The following CDC42EP1 variants were observed in gnomAD, a reference collection of about 807,000 sequenced individuals.
The protein encoded by CDC42EP1 is CDC42 effector protein 1.
Under a neutral mutation model 7.4 loss-of-function variants are expected in CDC42EP1, and 6 were observed. The observed-to-expected ratio is 0.81, with a 90% CI of 0.44 to 1.60. CDC42EP1 has a LOEUF of 1.60. Among genes scored for constraint, CDC42EP1 ranks in the 40% most tolerant of loss-of-function variants. CDC42EP1 has a pLI of 0.01. For missense variants in CDC42EP1, 567 were observed against 539.0 expected, an observed-to-expected ratio of 1.05 and a Z score of -0.51; for synonymous variants, 238 against 227.1, an observed-to-expected ratio of 1.05 and a Z score of -0.43.
intron 1 of CDC42EP1, chr22:37,563,773 G>C (rs1249723809): frequency 6.6e-6 from 1 of 152,172 alleles, no homozygotes; most frequent in Non-Finnish European, 1.5e-5. Flanking sequence ...GAGGTCCCAG[G>C]TCTGTGTAGG....
intron 1 of CDC42EP1, among the ~76,000 whole-genome samples, chr22:37,561,285 C>A (rs1043019481): frequency 5.3e-5 from 8 of 152,254 alleles, no homozygotes; most frequent in Non-Finnish European, 8.8e-5. Flanking sequence ...TTTTCCTAGA[C>A]CGGGAAACTG....
chr22:37,564,173 T>C (rs1452832341), intron 1 of CDC42EP1, among the ~76,000 whole-genome samples: 1 of 152,086 alleles, frequency 6.6e-6, no homozygotes, highest in Non-Finnish European at 1.5e-5. Flanking sequence ...AGCCTGGACT[T>C]TGTATGACAC....
At chr22:37,567,963 C>T in intron 2 of CDC42EP1, 145 bp from the exon 3 acceptor site, 1 of 682,552 alleles carries the variant, frequency 1.5e-6, no homozygotes, top group Non-Finnish European at 2.6e-6. Context: ...GGAGTGTATT[C>T]TATTGGAAAG....
chr22:37,566,288 G>GGC lies in CDC42EP1; in HGVS notation c.-62_-61insGC. ...GAGCTGAGCAGCCATCCCAAGCCCA[G>GGC]CCCACCTCCCTCCCCCGGCCCCTGG... is the stretch of plus-strand genomic sequence containing the variant. On this transcript the variant is annotated 5_prime_UTR_variant, in exon 2 of 3. Transcript: ENST00000249014. This position sits in a 1 kb window ranked among gnomAD's most constrained non-coding sequence, Gnocchi z 6.4. The GGC allele has an allele frequency of 3.6e-6, 3 of 835,940 alleles. No homozygotes were observed. Among genetic ancestry groups the GGC allele is most frequent in the South Asian group, 1.8e-5 (1 of 54,380 alleles). The allele number at this position is 835,940 out of a possible 1,614,324, so 51.8% of individuals were successfully genotyped here.
At chr22:37,562,336 G>T (rs1474396990) in intron 1 of CDC42EP1, among the ~76,000 whole-genome samples, 1 of 152,180 alleles carries the variant, frequency 6.6e-6, no homozygotes, top group Non-Finnish European at 1.5e-5. Flanking sequence ...CTGGCACCAG[G>T]ACACTTGGAG....
In CDC42EP1 at chr22:37,568,645, T is replaced by C. The variant is rs753174629; in HGVS notation, c.1001T>C (p.Met334Thr). 12 of 1,575,998 alleles carry C rather than the reference T, an allele frequency of 7.6e-6. No individual in the cohort carries two copies. Among genetic ancestry groups the C allele is most frequent in the Admixed American group, 1.8e-5 (1 of 55,098 alleles). ...GWDGGHHYPE[M>T]DARQERVEVL... ...GATGGCGGCCACCACTACCCAGAGA[T>C]GGATGCGCGGCAGGAGCGGGTGGAG... Residue 334 changes from methionine (M) to threonine (T), a missense_variant, in exon 3 of 3, where the codon ATG (methionine) becomes ACG (threonine). Met to Thr is a moderately conservative substitution (Grantham distance 81). Coordinates refer to ENST00000249014, the MANE Select transcript of CDC42EP1 (RefSeq NM_152243.3).
intron 1 of CDC42EP1, among the ~76,000 whole-genome samples, chr22:37,565,161 A>C (rs1925183756): frequency 6.6e-6 from 1 of 150,592 alleles, no homozygotes; most frequent in African/African-American, 2.4e-5. Flanking sequence ...GGCCCTGCAG[A>C]ATAAGTGCTT....
At chr22:37,567,446 G>A (rs993387384) in intron 2 of CDC42EP1, among the ~76,000 whole-genome samples, 5 of 152,174 alleles carry the variant, frequency 3.3e-5, no homozygotes, top group Non-Finnish European at 5.9e-5. Flanking sequence ...CACCTTGGCC[G>A]TTCGGTCAGA....
In CDC42EP1 at chr22:37,560,569, C is replaced by G. The variant is rs1422502851; in HGVS notation, c.-298C>G. Reference sequence around the variant, plus strand: ...GACGAGTCCGCCCTCGTCCCGCGCCCCCGGGGCTCGCGGAGCCAGGTAACA... The same window carrying G: ...GACGAGTCCGCCCTCGTCCCGCGCCGCCGGGGCTCGCGGAGCCAGGTAACA... On this transcript the variant is annotated 5_prime_UTR_variant, in exon 1 of 3. Coordinates refer to ENST00000249014, the MANE Select transcript of CDC42EP1 (RefSeq NM_152243.3). The G allele has an allele frequency of 1.3e-5, 2 of 150,298 alleles. No homozygotes were observed. Among genetic ancestry groups the G allele is most frequent in the African/African-American group, 2.4e-5 (1 of 41,260 alleles). The allele number at this position is 150,298 out of a possible 1,614,324, so 9.3% of individuals were successfully genotyped here.
chr22:37,568,626 G>A lies in CDC42EP1; in HGVS notation c.982G>A (p.Gly328Ser), dbSNP rs760139079. The A allele has an allele frequency of 3.7e-5, 59 of 1,589,418 alleles. No homozygotes were observed. The highest frequency in any genetic ancestry group is 9.1e-5 in the South Asian group (8 of 88,024). Reference sequence around the variant, plus strand: ...GCACTGGGGAGCAGGCTGGGATGGCGGCCACCACTACCCAGAGATGGATGC... The same window carrying A: ...GCACTGGGGAGCAGGCTGGGATGGCAGCCACCACTACCCAGAGATGGATGC... ...GRHWGAGWDGGHHYPEMDARQ... is the reference protein window; with the variant it reads ...GRHWGAGWDGSHHYPEMDARQ... Residue 328 changes from glycine to serine, a missense_variant, in exon 3 of 3, where the codon GGC (glycine) becomes AGC (serine). Physicochemically the swap from Gly to Ser is moderately conservative, Grantham distance 56 (BLOSUM62 0). Coordinates refer to ENST00000249014, the MANE Select transcript of CDC42EP1 (RefSeq NM_152243.3).
At position 37,569,193 on chromosome 22, in the gene CDC42EP1, C is replaced by G. The variant is rs1925395981; in HGVS notation, c.*373C>G. On this transcript the variant is annotated 3_prime_UTR_variant, in exon 3 of 3. Coordinates refer to ENST00000249014, the MANE Select transcript of CDC42EP1 (RefSeq NM_152243.3). ...TGTACCACACAGGGCCATTGTCTCACCTCCCAAAGGGACCGCCTGCCCCCA... is the reference window on the plus strand; with the variant it reads ...TGTACCACACAGGGCCATTGTCTCAGCTCCCAAAGGGACCGCCTGCCCCCA... The G allele has an allele frequency of 5.8e-6, 1 of 172,766 alleles. No individual in the cohort carries two copies. The highest frequency in any genetic ancestry group is 6.3e-5 in the Admixed American group (1 of 15,772). 10.7% of individuals were successfully genotyped at this position (172,766 alleles called of 1,614,324 possible).
rs1491441127 is a variant in CDC42EP1, at chr22:37,565,184, CCT to C, written c.-278-887_-278-886del. 1.2e-4 allele frequency among the ~76,000 whole-genome samples: 15 copies of C among 121,608 alleles called. 1 individual carries two copies. The highest frequency in any genetic ancestry group is 3.2e-4 in the African/African-American group (11 of 34,706). The allele number at this position is 121,608 out of a possible 152,430, so 79.8% of individuals were successfully genotyped here. A position where few individuals can be genotyped will look rare whatever the true frequency, so the allele number is the denominator to read the frequency against. On this transcript the variant is annotated intron_variant, in intron 1 of 2. Coordinates refer to ENST00000249014, the MANE Select transcript of CDC42EP1 (RefSeq NM_152243.3). ...AGAATAAGTGCTTTCTTTTTTTTTT[CCT>C]TTTTTTTTTTTTTTTTTTTGAGACA...
chr22:37,566,596 G>T lies in CDC42EP1; in HGVS notation c.247G>T (p.Ala83Ser). The change falls in exon 2 of 3, where the codon GCC becomes TCC. Residue 83 changes from alanine (A) to serine (S), a missense_variant. Transcript: ENST00000249014. The surrounding 1 kb of genome is among the most constrained non-coding windows in gnomAD (Gnocchi z 6.4). ...CCATCGCTCACCCCGCAGCTTCCTG[G>T]CCAAGAAGCTGCAGCTGGTGCGGAG... is the stretch of plus-strand genomic sequence containing the variant. ...STHRSPRSFL[A>S]KKLQLVRRVG... The T allele has an allele frequency of 3.1e-6, 5 of 1,600,336 alleles. No individual in the cohort carries two copies. The highest frequency in any genetic ancestry group is 4.3e-6 in the Non-Finnish European group (5 of 1,170,568).
chr22:37,560,861 G>A (rs1252733135), intron 1 of CDC42EP1, among the ~76,000 whole-genome samples: 3 of 152,082 alleles, frequency 2.0e-5, no homozygotes, highest in Admixed American at 6.5e-5. Context: ...TGCGCGAGGA[G>A]GGGGCGAGCC....
At chr22:37,562,373 G>T (rs1925075123) in intron 1 of CDC42EP1, among the ~76,000 whole-genome samples, 1 of 152,216 alleles carries the variant, frequency 6.6e-6, no homozygotes, top group African/African-American at 2.4e-5. Context: ...GCCAGGTGAG[G>T]CACACCTGAT....
At chr22:37,562,770 A>G (rs111890284) in intron 1 of CDC42EP1, among the ~76,000 whole-genome samples, 1 of 80,346 alleles carries the variant, frequency 1.2e-5, no homozygotes, top group African/African-American at 4.4e-5. Flanking sequence ...ATGGGGGTTC[A>G]GGGGGGAGGA....
In CDC42EP1 at chr22:37,569,117, T is replaced by C; in HGVS notation, c.*297T>C. On this transcript the variant is annotated 3_prime_UTR_variant, in exon 3 of 3. Coordinates refer to ENST00000249014, the MANE Select transcript of CDC42EP1 (RefSeq NM_152243.3). ...CCAGCTGGAGGACCCAGCCTCACAG[T>C]GTGTCCTTTGTGCCAGACCAAGCGG... The C allele has an allele frequency of 3.7e-6, 1 of 271,218 alleles. No homozygotes were observed. The allele number at this position is 271,218 out of a possible 1,614,324, so 16.8% of individuals were successfully genotyped here.
At position 37,568,773 on chromosome 22, in the gene CDC42EP1, A is replaced by G; in HGVS notation, c.1129A>G (p.Thr377Ala). 1 of 1,494,572 alleles carries G rather than the reference A, an allele frequency of 6.7e-7. No homozygotes were observed. The highest frequency in any genetic ancestry group is 8.9e-7 in the Non-Finnish European group (1 of 1,120,586). 92.6% of individuals were successfully genotyped at this position (1,494,572 alleles called of 1,614,324 possible). ...AGTGCCCAGCACAGTGCAAGCAAAC[A>G]CCTTTGAATTTGCGGATGCTGAGGA... Reference protein sequence around the residue: ...TPVPSTVQANTFEFADAEEDD... With the variant: ...TPVPSTVQANAFEFADAEEDD... The change falls in exon 3 of 3, where the codon ACC (threonine) becomes GCC (alanine). Residue 377 changes from threonine to alanine, a missense_variant. By Grantham distance (58) the Thr-to-Ala change is moderately conservative. Coordinates refer to ENST00000249014, the MANE Select transcript of CDC42EP1 (RefSeq NM_152243.3).
rs771798562 is a variant in CDC42EP1, at chr22:37,566,815, G to A, written c.463+3G>A. 3 of 1,550,872 alleles carry A rather than the reference G, an allele frequency of 1.9e-6. No individual in the cohort carries two copies. The highest frequency in any genetic ancestry group is 1.2e-5 in the South Asian group (1 of 80,432). The stretch of plus-strand genomic sequence containing the variant: ...CACGGACGGCCACTCCAGCTACGGT[G>A]AGGGCCTGGGCCATCTTGGCCCACT... On this transcript the variant is annotated splice_donor_region_variant and intron_variant, in intron 2 of 2. Coordinates refer to ENST00000249014, the MANE Select transcript of CDC42EP1 (RefSeq NM_152243.3). The surrounding 1 kb of genome is among the most constrained non-coding windows in gnomAD (Gnocchi z 6.4).
Sources: allele counts gnomAD v4.1 joint callset (sites outside exome capture counted in the v4.1 genomes callset), GRCh38; gene constraint gnomAD v4.1.1; non-coding constraint Gnocchi (gnomAD v3.1); transcripts MANE v1.5; gene names NCBI Gene and HGNC (gene_info 2026-07-23, HGNC 2026-07-21).